Variants in ITPR3 observed in about 807,000 individuals in gnomAD.
ITPR3 encodes inositol 1,4,5-trisphosphate-gated calcium channel ITPR3.
A neutral mutation model predicts 293.2 loss-of-function variants in ITPR3; 173 were observed. That is an observed-to-expected ratio of 0.59 (90% CI 0.52 to 0.67). ITPR3 has a LOEUF of 0.67. Among genes scored for constraint, ITPR3 ranks in the 30% least tolerant of loss-of-function variants. The probability of loss-of-function intolerance (pLI) is 0.00; values close to 1 mark genes in which losing one functional copy is unlikely to be tolerated. For synonymous variants in ITPR3, 1,295 were observed against 1,444.4 expected (o/e 0.90, Z 2.35); for missense variants, 2,796 against 3,592.1 (o/e 0.78, Z 5.66).
intron 49 of ITPR3, 57 bp downstream of exon 49, chr6:33,688,838 G>A: frequency 6.2e-7 from 1 of 1,612,084 alleles, no homozygotes; most frequent in Non-Finnish European, 8.5e-7. Flanking sequence ...TTCCTCCCTG[G>A]GTTGGGGCAG....
In ITPR3 at chr6:33,682,583, G is replaced by A. The variant is rs773138921; in HGVS notation, c.4536G>A (p.Pro1512=). Residue 1512 remains proline (P), a synonymous_variant, in exon 34 of 58, where the codon CCG becomes CCA. Coordinates refer to ENST00000605930, the MANE Select transcript of ITPR3 (RefSeq NM_002224.4). The surrounding 1 kb of genome is among the most constrained non-coding windows in gnomAD (Gnocchi z 5.4). ...CTACCACACGCCTCCTCGAGTGTCC[G>A]TGGCTACAGCAGCAGCACAAGGGCT... The part of the protein sequence containing the change: ...LQSTTRLLEC[P]WLQQQHKGSV... 6.3e-6 allele frequency: 10 copies of A among 1,594,088 alleles called. No homozygotes were observed. The highest frequency in any genetic ancestry group is 2.3e-5 in the East Asian group (1 of 42,708).
chr6:33,641,639 T>C (rs977502621), intron 2 of ITPR3, among the ~76,000 whole-genome samples: 1 of 151,988 alleles, frequency 6.6e-6, no homozygotes, highest in African/African-American at 2.4e-5. Flanking sequence ...CCCTACACCG[T>C]TGGCCCCTGC....
At position 33,624,069 on chromosome 6, in the gene ITPR3, C is replaced by T. The variant is rs534463418; in HGVS notation, c.89+2378C>T. 6.6e-6 allele frequency among the ~76,000 whole-genome samples: 1 copy of T among 152,230 alleles called. No homozygotes were observed. The highest frequency in any genetic ancestry group is 1.5e-5 in the Non-Finnish European group (1 of 68,042). On this transcript the variant is annotated intron_variant, in intron 1 of 57. Coordinates refer to ENST00000605930, the MANE Select transcript of ITPR3 (RefSeq NM_002224.4). This position sits in a 1 kb window ranked among gnomAD's most constrained non-coding sequence, Gnocchi z 4.7. ...CCGCCCTTTAGCAAGCAAGTCTCCA[C>T]CTGGGTAAATCTGTCCCACCCTCTA...
In ITPR3 at chr6:33,682,192, A is replaced by G. The variant is rs1054617263; in HGVS notation, c.4477-332A>G. On this transcript the variant is annotated intron_variant, in intron 33 of 57. Transcript: ENST00000605930. This position sits in a 1 kb window ranked among gnomAD's most constrained non-coding sequence, Gnocchi z 5.4. ...CCACTGCGCCCAGCCTCAAAGTGTT[A>G]TCTTTTAAATAACCTTTTGGTTTTT... 5.2e-4 allele frequency among the ~76,000 whole-genome samples: 79 copies of G among 152,178 alleles called. No homozygotes were observed. Among genetic ancestry groups the G allele is most frequent in the African/African-American group, 1.8e-3 (74 of 41,438 alleles).
chr6:33,692,931 G>T lies in ITPR3; in HGVS notation c.7624+38G>T, dbSNP rs1322079708. ...TCCTGCTCTGTGGAGGCCGCAGCGG[G>T]GCTGGAACGTCATCTGATGCCAGTG... On this transcript the variant is annotated intron_variant, in intron 55 of 57. Transcript: ENST00000605930. The surrounding 1 kb of genome is among the most constrained non-coding windows in gnomAD (Gnocchi z 4.2). The T allele has an allele frequency of 6.2e-7, 1 of 1,604,376 alleles. No individual in the cohort carries two copies. Among genetic ancestry groups the T allele is most frequent in the Admixed American group, 1.7e-5 (1 of 59,468 alleles).
chr6:33,653,053 A>G (rs1764228649), intron 2 of ITPR3, among the ~76,000 whole-genome samples: 1 of 152,008 alleles, frequency 6.6e-6, no homozygotes, highest in African/African-American at 2.4e-5. Flanking sequence ...GACTACAGGC[A>G]TGTACCACCA....
At chr6:33,678,940 C>T (rs900030219) in intron 30 of ITPR3, 101 bp downstream of exon 30, 1 of 1,201,990 alleles carries the variant, frequency 8.3e-7, no homozygotes, top group Non-Finnish European at 1.2e-6. Context: ...GACGGTGGGT[C>T]ACAAAAGGAA....
chr6:33,692,024 T>C lies in ITPR3; in HGVS notation c.7458+96T>C, dbSNP rs1266762470. The stretch of plus-strand genomic sequence containing the variant: ...CCTGTCCTTGGCCTCGCGTCAGATA[T>C]TCAGGGTTGAACCCCCTCCCCCGAA... On this transcript the variant is annotated intron_variant, in intron 54 of 57. Transcript: ENST00000605930. This position sits in a 1 kb window ranked among gnomAD's most constrained non-coding sequence, Gnocchi z 4.2. 1.0e-5 allele frequency: 16 copies of C among 1,529,242 alleles called. 1 individual carries two copies. The South Asian group carries it at 1.7e-4, about 16-fold the overall frequency. The allele number at this position is 1,529,242 out of a possible 1,614,324, so 94.7% of individuals were successfully genotyped here. A position where few individuals can be genotyped will look rare whatever the true frequency, so the allele number is the denominator to read the frequency against.
chr6:33,644,188 TCA>T lies in ITPR3; in HGVS notation c.160+3635_160+3636del, dbSNP rs869112809. Among the ~76,000 whole-genome samples the T allele has an allele frequency of 2.2e-5, 3 of 135,540 alleles. No individual in the cohort carries two copies. The East Asian group carries it at 7.5e-4, about 34-fold the overall frequency. 88.9% of individuals were successfully genotyped at this position (135,540 alleles called of 152,430 possible). ...CTGGGTGACAGAGCAAGACTCTGTC[TCA>T]GGGGAAAAAAAGAAAGAGAAAAGTG... On this transcript the variant is annotated intron_variant, in intron 2 of 57. Transcript: ENST00000605930.
At position 33,669,133 on chromosome 6, in the gene ITPR3, C is replaced by T. The variant is rs754514992; in HGVS notation, c.2166C>T (p.Asp722=). The change falls in exon 18 of 58, where the codon GAC becomes GAT. Residue 722 remains aspartate, a synonymous_variant. Transcript: ENST00000605930. ...AQEARAGNAH[D]ENVLSYYRYQ... is the part of the protein sequence containing the mutation. ...AGGCGCGGGCCGGCAACGCCCACGACGAGAATGTGCTCAGCTACTACAGGT... is the reference window on the plus strand; with the variant it reads ...AGGCGCGGGCCGGCAACGCCCACGATGAGAATGTGCTCAGCTACTACAGGT... 219 of 1,613,856 alleles carry T rather than the reference C, an allele frequency of 1.4e-4. No individual in the cohort carries two copies. Among genetic ancestry groups the T allele is most frequent in the Non-Finnish European group, 1.8e-4 (214 of 1,179,956 alleles).
chr6:33,695,635 C>T, intron 57 of ITPR3, 77 bp from the exon 58 acceptor site: 1 of 1,434,106 alleles, frequency 7.0e-7, no homozygotes, highest in Non-Finnish European at 9.8e-7. Context: ...AGACGGGTGC[C>T]AAGCTCTTCC....
In ITPR3 at chr6:33,673,731, G is replaced by T. The variant is rs778603456; in HGVS notation, c.3058+11G>T. 1 of 1,613,792 alleles carries T rather than the reference G, an allele frequency of 6.2e-7. No homozygotes were observed. Among genetic ancestry groups the T allele is most frequent in the Non-Finnish European group, 8.5e-7 (1 of 1,179,826 alleles). On this transcript the variant is annotated intron_variant, in intron 23 of 57. Coordinates refer to ENST00000605930, the MANE Select transcript of ITPR3 (RefSeq NM_002224.4). Reference sequence around the variant, plus strand: ...CCTTCGACTCTACCAGTAAGCCCCTGCCCTGCCTTCAGGCTGAGGCTGTGC... The same window carrying T: ...CCTTCGACTCTACCAGTAAGCCCCTTCCCTGCCTTCAGGCTGAGGCTGTGC...
rs760335688 is a variant in ITPR3 at position 33,669,129 on chromosome 6, A to G, written c.2162A>G (p.His721Arg). 6 of 1,614,084 alleles carry G rather than the reference A, an allele frequency of 3.7e-6. No individual in the cohort carries two copies. The highest frequency in any genetic ancestry group is 5.1e-6 in the Non-Finnish European group (6 of 1,179,988). Reference sequence around the variant, plus strand: ...CAGGAGGCGCGGGCCGGCAACGCCCACGACGAGAATGTGCTCAGCTACTAC... The same window carrying G: ...CAGGAGGCGCGGGCCGGCAACGCCCGCGACGAGAATGTGCTCAGCTACTAC... ...LAQEARAGNA[H>R]DENVLSYYRY... is the part of the protein sequence containing the mutation. The change falls in exon 18 of 58, where the codon CAC (histidine) becomes CGC (arginine). Residue 721 changes from histidine (H) to arginine (R), a missense_variant. By Grantham distance (29) the His-to-Arg change is conservative. Around this residue, in one of 8 missense-constraint regions of ITPR3, gnomAD observed 955 missense variants for 1,180.8 expected, o/e 0.81. Coordinates refer to ENST00000605930, the MANE Select transcript of ITPR3 (RefSeq NM_002224.4).
At chr6:33,671,091 G>A in intron 20 of ITPR3, 74 bp from the exon 21 acceptor site, 1 of 1,590,484 alleles carries the variant, frequency 6.3e-7, no homozygotes, top group Non-Finnish European at 8.6e-7. Flanking sequence ...CCCCAGTCCT[G>A]GCCTGCCCTC....
At chr6:33,674,584 G>A (rs1764857352) in intron 24 of ITPR3, among the ~76,000 whole-genome samples, 2 of 152,258 alleles carry the variant, frequency 1.3e-5, no homozygotes, top group South Asian at 4.1e-4. Context: ...GGAAGTGTGG[G>A]GACATGCATC....
At position 33,695,105 on chromosome 6, in the gene ITPR3, C is replaced by T. The variant is rs753167071; in HGVS notation, c.7947+20C>T. 3.7e-6 allele frequency: 6 copies of T among 1,611,642 alleles called. No homozygotes were observed. The Admixed American group carries it at 5.0e-5, about 13-fold the overall frequency. On this transcript the variant is annotated intron_variant, in intron 57 of 57. Transcript: ENST00000605930. ...GAGCAGGTGTGCACCCCGCCTGATC[C>T]CAGGCCCACCCTGGGTTCTATCCCT...
chr6:33,646,605 C>A (rs971703197), intron 2 of ITPR3, among the ~76,000 whole-genome samples: 3 of 151,942 alleles, frequency 2.0e-5, no homozygotes, highest in Non-Finnish European at 4.4e-5. Context: ...CAAACTTCCT[C>A]TCTCTCTCTT....
chr6:33,688,236 C>T lies in ITPR3; in HGVS notation c.6376-3C>T. The stretch of plus-strand genomic sequence containing the variant: ...GGCGTGACCATGTGCTGTGTGTGCT[C>T]AGATTGTGCGGCAGGACCGCAGCAT... On this transcript the variant is annotated splice_polypyrimidine_tract_variant and splice_region_variant and intron_variant, in intron 47 of 57. Transcript: ENST00000605930. The T allele has an allele frequency of 1.2e-6, 2 of 1,614,178 alleles. No homozygotes were observed. The highest frequency in any genetic ancestry group is 1.7e-6 in the Non-Finnish European group (2 of 1,180,024).
intron 1 of ITPR3, among the ~76,000 whole-genome samples, chr6:33,634,575 C>T (rs2151284021): frequency 6.6e-6 from 1 of 152,262 alleles, no homozygotes; most frequent in Non-Finnish European, 1.5e-5. Context: ...AATTCCCCTC[C>T]GGAATCCGTG....
Sources: gnomAD v4.1 joint callset for allele counts (sites outside exome capture counted in the v4.1 genomes callset) on GRCh38, gnomAD v4.1.1 for gene constraint, gnomAD v4.1.1 regional missense constraint, Gnocchi (gnomAD v3.1) non-coding constraint, MANE v1.5 for transcripts, NCBI Gene and HGNC (gene_info 2026-07-23, HGNC 2026-07-21) for gene names.